NRXN3: variants seen among roughly 807,000 people sequenced by gnomAD.
NRXN3 encodes neurexin III.
Under a neutral mutation model 137.6 loss-of-function variants are expected in NRXN3, and 32 were observed. The observed-to-expected ratio is 0.23, with a 90% CI of 0.18 to 0.31. NRXN3 has a LOEUF of 0.31. Ranked by LOEUF, NRXN3 falls within the 10% of genes least tolerant of loss-of-function variation. The probability of loss-of-function intolerance (pLI) is 1.00; values close to 1 mark genes in which losing one functional copy is unlikely to be tolerated. For missense variants in NRXN3, 1,574 were observed against 2,062.5 expected (o/e 0.76, Z 4.59); for synonymous variants, 798 against 784.5 (o/e 1.02, Z -0.29).
chr14:78,620,594 A>G (rs2097394231), intron 4 of NRXN3, among the ~76,000 whole-genome samples: 1 of 152,140 alleles, frequency 6.6e-6, no homozygotes, highest in Non-Finnish European at 1.5e-5. Flanking sequence ...GGCATCTGAG[A>G]ATCAGAATAT....
chr14:79,039,413 TA>T (rs1181521915), intron 15 of NRXN3, among the ~76,000 whole-genome samples: 7 of 152,148 alleles, frequency 4.6e-5, no homozygotes, highest in Non-Finnish European at 1.0e-4. Flanking sequence ...TTATCCCCCT[TA>T]TTTCCTTTTC....
rs2096439628 is a variant in NRXN3 at position 79,467,224 on chromosome 14, G to A, written c.3266G>A (p.Gly1089Asp). The A allele has an allele frequency of 1.3e-6, 2 of 1,595,954 alleles. No individual in the cohort carries two copies. Among genetic ancestry groups the A allele is most frequent in the African/African-American group, 1.3e-5 (1 of 74,618 alleles). Residue 1089 changes from glycine to aspartate, a missense_variant, in exon 16 of 21, where the codon GGC (glycine) becomes GAC (aspartate). Transcript: ENST00000335750. ...CCCTCTCTCCTTGCTTTTGCAGCTG[G>A]CGCTACGTACATCTTTGGGAAAAGT... The part of the protein sequence containing the change: ...SYSGNQCNDP[G>D]ATYIFGKSGG...
At chr14:78,795,982 G>A (rs765358033) in intron 8 of NRXN3, among the ~76,000 whole-genome samples, 16 of 152,188 alleles carry the variant, frequency 1.1e-4, no homozygotes, top group Admixed American at 4.6e-4. Context: ...AAAAGGACAA[G>A]AGCTTTCTTA....
intron 4 of NRXN3, among the ~76,000 whole-genome samples, chr14:78,360,909 C>G (rs746201885): frequency 4.6e-5 from 7 of 152,160 alleles, no homozygotes; most frequent in Admixed American, 3.3e-4. Flanking sequence ...ACCTCAACCA[C>G]TTTTTCCTCA....
intron 10 of NRXN3, among the ~76,000 whole-genome samples, chr14:78,890,620 T>C (rs966141664): frequency 5.3e-5 from 8 of 151,778 alleles, no homozygotes; most frequent in African/African-American, 1.9e-4. Context: ...TCTTATCTAG[T>C]AGTAAATGGT....
In NRXN3 at chr14:79,415,110, C is replaced by T. The variant is rs377065571; in HGVS notation, c.3263-52111C>T. ...TATACATGCATACATATCTCTCTCACACATTTTCTTTGTCCATTCATCTGC... is the reference window on the plus strand; with the variant it reads ...TATACATGCATACATATCTCTCTCATACATTTTCTTTGTCCATTCATCTGC... On this transcript the variant is annotated intron_variant, in intron 15 of 20. Coordinates refer to ENST00000335750, the MANE Select transcript of NRXN3 (RefSeq NM_001330195.2). Among the ~76,000 whole-genome samples the T allele has an allele frequency of 1.1e-4, 16 of 152,220 alleles. No individual in the cohort carries two copies. The East Asian group carries it at 3.1e-3, about 29-fold the overall frequency.
At chr14:78,618,042 C>T (rs1441850702) in intron 4 of NRXN3, among the ~76,000 whole-genome samples, 1 of 151,964 alleles carries the variant, frequency 6.6e-6, no homozygotes, top group African/African-American at 2.4e-5. Flanking sequence ...TCTTATGTAT[C>T]TCCATACCCC....
chr14:78,249,460 C>T (rs775701756), intron 2 of NRXN3, among the ~76,000 whole-genome samples: 1 of 152,138 alleles, frequency 6.6e-6, no homozygotes, highest in Non-Finnish European at 1.5e-5. Flanking sequence ...TCAGCTGGGT[C>T]CTCTTTCTCC....
At chr14:79,151,570 A>T (rs1380587574) in intron 15 of NRXN3, among the ~76,000 whole-genome samples, 2 of 152,060 alleles carry the variant, frequency 1.3e-5, no homozygotes, top group Non-Finnish European at 2.9e-5. Context: ...AACTGGATTC[A>T]TTGCTCAAGG....
intron 16 of NRXN3, among the ~76,000 whole-genome samples, chr14:79,576,658 C>A (rs2097667478): frequency 6.6e-6 from 1 of 152,082 alleles, no homozygotes; most frequent in African/African-American, 2.4e-5. Flanking sequence ...TTTTGCTTCC[C>A]CGCTGACCAT....
chr14:79,290,430 C>A (rs1441874191), intron 15 of NRXN3, among the ~76,000 whole-genome samples: 1 of 152,124 alleles, frequency 6.6e-6, no homozygotes, highest in Non-Finnish European at 1.5e-5. Flanking sequence ...GAGGAGGAGA[C>A]AGGCAGAGTC....
At chr14:79,080,882 A>G (rs2046857353) in intron 15 of NRXN3, among the ~76,000 whole-genome samples, 1 of 152,198 alleles carries the variant, frequency 6.6e-6, no homozygotes, top group South Asian at 2.1e-4. Flanking sequence ...TAGTGGTCCA[A>G]ACACAGTCAG....
chr14:79,077,710 G>T (rs2046217738), intron 15 of NRXN3, among the ~76,000 whole-genome samples: 1 of 152,104 alleles, frequency 6.6e-6, no homozygotes, highest in Non-Finnish European at 1.5e-5. Flanking sequence ...TATAATTGGT[G>T]ATGTGGTATG....
chr14:78,439,549 G>T (rs1328095237), intron 4 of NRXN3, among the ~76,000 whole-genome samples: 1 of 152,236 alleles, frequency 6.6e-6, no homozygotes, highest in East Asian at 1.9e-4. Context: ...GTAAGTGGTT[G>T]AGCTGAGATC....
chr14:78,319,267 G>T (rs1194432328), intron 4 of NRXN3, among the ~76,000 whole-genome samples: 1 of 152,144 alleles, frequency 6.6e-6, no homozygotes, highest in African/African-American at 2.4e-5. Flanking sequence ...ATCCCCCTTG[G>T]ATAATAGAAG....
chr14:79,616,378 G>A (rs1260927498), intron 16 of NRXN3, among the ~76,000 whole-genome samples: 2 of 152,110 alleles, frequency 1.3e-5, no homozygotes, highest in African/African-American at 2.4e-5. Context: ...TAGAATTGGT[G>A]AATCTACTCT....
At chr14:79,702,600 C>T (rs972344041) in intron 19 of NRXN3, among the ~76,000 whole-genome samples, 2 of 151,870 alleles carry the variant, frequency 1.3e-5, no homozygotes, top group African/African-American at 4.8e-5. Context: ...ACAGAGAATG[C>T]ATAAGAGGGA....
chr14:78,295,699 G>A (rs1258559179), intron 3 of NRXN3, among the ~76,000 whole-genome samples: 2 of 152,052 alleles, frequency 1.3e-5, no homozygotes, highest in East Asian at 1.9e-4. Context: ...TTAGGTCTTG[G>A]TTCGTGAAGC....
chr14:79,861,121 C>T lies in NRXN3; in HGVS notation c.4094-221C>T, dbSNP rs1375077518. The T allele has an allele frequency of 2.7e-6, 4 of 1,486,446 alleles. No homozygotes were observed. The highest frequency in any genetic ancestry group is 3.6e-6 in the Non-Finnish European group (4 of 1,121,928). The allele number at this position is 1,486,446 out of a possible 1,614,324, so 92.1% of individuals were successfully genotyped here. ...CTACTCGTGCACCTTCCATTACACT[C>T]CCCCCTACCTTTCGCCCCCTCCTCA... On this transcript the variant is annotated intron_variant, in intron 20 of 20. Coordinates refer to ENST00000335750, the MANE Select transcript of NRXN3 (RefSeq NM_001330195.2). The surrounding 1 kb of genome is among the most constrained non-coding windows in gnomAD (Gnocchi z 5.4).
Sources: gnomAD v4.1 joint callset for allele counts (sites outside exome capture counted in the v4.1 genomes callset) on GRCh38, gnomAD v4.1.1 for gene constraint, Gnocchi (gnomAD v3.1) non-coding constraint, MANE v1.5 for transcripts, NCBI Gene and HGNC (gene_info 2026-07-23, HGNC 2026-07-21) for gene names.